AGMO: variants seen among roughly 807,000 people sequenced by gnomAD.
AGMO encodes glyceryl-ether monooxygenase.
A neutral mutation model predicts 60.2 loss-of-function variants in AGMO; 75 were observed. The ratio of observed to expected loss-of-function variants is 1.25; its 90% confidence interval spans 1.03 to 1.51. The LOEUF (loss-of-function observed/expected upper bound fraction) is 1.51. AGMO is among the 40% of genes most tolerant of loss of function. AGMO has a pLI of 0.00. For synonymous variants in AGMO, 261 were observed against 177.1 expected (o/e 1.47, Z -3.76); for missense variants, 763 against 525.5 (o/e 1.45, Z -4.42).
chr7:15,491,044 A>C (rs1783053106), intron 3 of AGMO, among the ~76,000 whole-genome samples: 1 of 152,282 alleles, frequency 6.6e-6, no homozygotes, highest in Non-Finnish European at 1.5e-5. Context: ...AGCATCTGTA[A>C]ATCTGAGAAC....
chr7:15,393,989 TATTA>T (rs1784259998), intron 6 of AGMO, 120 bp downstream of exon 6: 6 of 466,512 alleles, frequency 1.3e-5, no homozygotes, highest in East Asian at 8.2e-5. Flanking sequence ...AAGAAGAAAC[TATTA>T]TTTATTTGTA....
chr7:15,461,201 A>T (rs1782132294), intron 3 of AGMO, among the ~76,000 whole-genome samples: 1 of 152,130 alleles, frequency 6.6e-6, no homozygotes, highest in Non-Finnish European at 1.5e-5. Context: ...CAACTGCCTC[A>T]TTATCACAAT....
intron 3 of AGMO, among the ~76,000 whole-genome samples, chr7:15,512,546 C>A (rs903696967): frequency 1.3e-5 from 2 of 152,194 alleles, no homozygotes; most frequent in Non-Finnish European, 2.9e-5. Context: ...AACCACTATG[C>A]CCGGCCTAAA....
intron 3 of AGMO, among the ~76,000 whole-genome samples, chr7:15,441,977 A>C (rs1282988756): frequency 1.3e-5 from 2 of 152,146 alleles, no homozygotes; most frequent in Admixed American, 6.5e-5. Context: ...TATTGGTCTT[A>C]ACATTTGTCT....
At chr7:15,373,941 A>C (rs1783338195) in intron 10 of AGMO, among the ~76,000 whole-genome samples, 1 of 152,168 alleles carries the variant, frequency 6.6e-6, no homozygotes, top group Non-Finnish European at 1.5e-5. Context: ...AAACCTCTAC[A>C]ATCTCTGCTG....
the AGMO span, among the ~76,000 whole-genome samples, chr7:15,183,095 C>G: frequency 6.6e-6 from 1 of 150,426 alleles, no homozygotes; most frequent in Non-Finnish European, 1.5e-5. Flanking sequence ...GGACACAATT[C>G]CAAACCATAT....
chr7:15,489,016 T>G lies in AGMO; in HGVS notation c.409+55756A>C, dbSNP rs1782997063. ...ATATCAGTTTATCCTTACTTTTATT[T>G]GCAATAGTTGATAAAATACAAGGAT... is the stretch of plus-strand genomic sequence containing the variant. On this transcript the variant is annotated intron_variant, in intron 3 of 12. Coordinates refer to ENST00000342526, the MANE Select transcript of AGMO (RefSeq NM_001004320.2). Among the ~76,000 whole-genome samples the G allele has an allele frequency of 4.6e-5, 7 of 152,168 alleles. No homozygotes were observed. In the South Asian group the frequency reaches 1.4e-3, roughly 32 times the overall value.
At chr7:15,240,319 T>C (rs1782553102) in intron 12 of AGMO, among the ~76,000 whole-genome samples, 1 of 152,194 alleles carries the variant, frequency 6.6e-6, no homozygotes, top group African/African-American at 2.4e-5. Flanking sequence ...AAAAAATTAA[T>C]TGCTTGTTTG....
Position 15,248,214 on chromosome 7 carries a change from A to ATATATG in AGMO, c.1264-46856_1264-46855insCATATA, listed in dbSNP as rs1554401266. Reference sequence around the variant, plus strand: ...TATATATATATATATATATATATATATATATATATATCTTCATCTTCAATT... The same window carrying ATATATG: ...TATATATATATATATATATATATATATATATGTATATATATATCTTCATCTTCAATT... On this transcript the variant is annotated intron_variant, in intron 12 of 12. Transcript: ENST00000342526. Among the ~76,000 whole-genome samples the ATATATG allele has an allele frequency of 4.9e-3, 351 of 71,156 alleles. 24 individuals carry two copies. Among genetic ancestry groups the ATATATG allele is most frequent in the Non-Finnish European group, 8.5e-3 (286 of 33,616 alleles). The allele number at this position is 71,156 out of a possible 152,430, so 46.7% of individuals were successfully genotyped here. A position where few individuals can be genotyped will look rare whatever the true frequency, so the allele number is the denominator to read the frequency against.
At chr7:15,532,594 A>G (rs1425951016) in intron 3 of AGMO, among the ~76,000 whole-genome samples, 1 of 152,216 alleles carries the variant, frequency 6.6e-6, no homozygotes, top group East Asian at 1.9e-4. Context: ...TAGGACTGAC[A>G]CACATATTTT....
At position 15,229,708 on chromosome 7, in the gene AGMO, A is replaced by G. The variant is rs1431620899; in HGVS notation, c.1264-28349T>C. ...CATATATATAACTAATTATTTATATATATATTATATTATATATAAATTATA... is the reference window on the plus strand; with the variant it reads ...CATATATATAACTAATTATTTATATGTATATTATATTATATATAAATTATA... On this transcript the variant is annotated intron_variant, in intron 12 of 12. Coordinates refer to ENST00000342526, the MANE Select transcript of AGMO (RefSeq NM_001004320.2). Among the ~76,000 whole-genome samples, 6 of 130,172 alleles carry G rather than the reference A, an allele frequency of 4.6e-5. No individual in the cohort carries two copies. The East Asian group carries it at 1.2e-3, about 26-fold the overall frequency. The allele number at this position is 130,172 out of a possible 152,430, so 85.4% of individuals were successfully genotyped here.
chr7:15,493,852 T>C (rs1783147259), intron 3 of AGMO, among the ~76,000 whole-genome samples: 1 of 152,168 alleles, frequency 6.6e-6, no homozygotes, highest in African/African-American at 2.4e-5. Context: ...TGCTTCTCTT[T>C]TTTTGTTAAT....
At chr7:15,442,683 C>T (rs767580611) in intron 3 of AGMO, among the ~76,000 whole-genome samples, 24 of 152,102 alleles carry the variant, frequency 1.6e-4, no homozygotes, top group African/African-American at 3.4e-4. Flanking sequence ...GCTCCACCCC[C>T]GGGGCCTCTA....
At chr7:15,443,035 C>T (rs1236232444) in intron 3 of AGMO, among the ~76,000 whole-genome samples, 1 of 152,212 alleles carries the variant, frequency 6.6e-6, no homozygotes, top group Non-Finnish European at 1.5e-5. Context: ...CTTCCCACTC[C>T]ATCTCCCCTC....
chr7:15,226,648 T>G (rs1432490534), intron 12 of AGMO, among the ~76,000 whole-genome samples: 1 of 152,074 alleles, frequency 6.6e-6, no homozygotes, highest in Admixed American at 6.6e-5. Flanking sequence ...ACCTTTATTA[T>G]TAACCCTGAA....
intron 12 of AGMO, among the ~76,000 whole-genome samples, chr7:15,267,174 G>C (rs1260971076): frequency 6.6e-6 from 1 of 151,880 alleles, no homozygotes; most frequent in Non-Finnish European, 1.5e-5. Flanking sequence ...CAAAAAATTG[G>C]CAGAGATTTT....
chr7:15,296,023 T>C (rs1784395674), intron 12 of AGMO, among the ~76,000 whole-genome samples: 1 of 152,182 alleles, frequency 6.6e-6, no homozygotes, highest in Non-Finnish European at 1.5e-5. Flanking sequence ...TTTTCTTCAA[T>C]TATGTTTACA....
chr7:15,263,530 AG>A (rs1783341796), intron 12 of AGMO, among the ~76,000 whole-genome samples: 1 of 152,142 alleles, frequency 6.6e-6, no homozygotes, highest in Non-Finnish European at 1.5e-5. Flanking sequence ...AAAGAACTAA[AG>A]TAGATTTACC....
intron 12 of AGMO, among the ~76,000 whole-genome samples, chr7:15,282,947 A>G (rs1340309129): frequency 6.6e-6 from 1 of 152,204 alleles, no homozygotes; most frequent in Non-Finnish European, 1.5e-5. Context: ...AGCTTCCTTA[A>G]ATAGAATAAC....
Sources: gnomAD v4.1 joint callset for allele counts (sites outside exome capture counted in the v4.1 genomes callset) on GRCh38, gnomAD v4.1.1 for gene constraint, MANE v1.5 for transcripts, NCBI Gene and HGNC (gene_info 2026-07-23, HGNC 2026-07-21) for gene names.